SYT16: variants seen among roughly 807,000 people sequenced by gnomAD.
The protein encoded by SYT16 is synaptotagmin 16.
Under a neutral mutation model 61.4 loss-of-function variants are expected in SYT16, and 42 were observed. The ratio of observed to expected loss-of-function variants is 0.68; its 90% CI spans 0.53 to 0.89. The LOEUF is 0.89. Ranked by LOEUF, SYT16 falls within the 40% of genes least tolerant of loss-of-function variation. The pLI is 0.00. For missense variants in SYT16, 804 were observed against 807.3 expected (o/e 1.00, Z 0.05); for synonymous variants, 314 against 302.3 (o/e 1.04, Z -0.40).
At chr14:62,001,330 T>G (rs2053006583) in intron 3 of SYT16, among the ~76,000 whole-genome samples, 4 of 152,070 alleles carry the variant, frequency 2.6e-5, no homozygotes, top group Admixed American at 2.6e-4. Context: ...GCTTGAAAAA[T>G]TTTCTCAATT....
chr14:61,869,227 T>C (rs566216710), intron 1 of SYT16, among the ~76,000 whole-genome samples: 37 of 152,228 alleles, frequency 2.4e-4, no homozygotes, highest in African/African-American at 6.7e-4. Flanking sequence ...TATCCAATTT[T>C]ATAGTCTGTT....
chr14:61,869,476 T>C (rs973210445), intron 1 of SYT16, among the ~76,000 whole-genome samples: 3 of 152,182 alleles, frequency 2.0e-5, no homozygotes, highest in African/African-American at 7.2e-5. Flanking sequence ...TTTATCAACA[T>C]CTACTTTCAA....
intron 1 of SYT16, among the ~76,000 whole-genome samples, chr14:61,939,122 G>A (rs1438426858): frequency 2.0e-5 from 3 of 152,152 alleles, no homozygotes; most frequent in African/African-American, 7.2e-5. Flanking sequence ...GCAACAGAGT[G>A]AGACTTGGTC....
At chr14:61,906,523 T>C (rs2048716109) in intron 1 of SYT16, among the ~76,000 whole-genome samples, 1 of 152,220 alleles carries the variant, frequency 6.6e-6, no homozygotes, top group Non-Finnish European at 1.5e-5. Context: ...TTTTTTAGTA[T>C]AGTTTTCCTT....
intron 1 of SYT16, among the ~76,000 whole-genome samples, chr14:61,936,719 A>G (rs547020802): frequency 1.3e-5 from 2 of 152,074 alleles, no homozygotes; most frequent in African/African-American, 2.4e-5. Flanking sequence ...GTCTGCCTCT[A>G]TAGCCATGTT....
intron 3 of SYT16, 156 bp from the exon 4 acceptor site, chr14:62,069,447 T>C: frequency 1.5e-6 from 1 of 681,046 alleles, no homozygotes; most frequent in Non-Finnish European, 2.5e-6. Flanking sequence ...AAATTTGTGT[T>C]GCAAAAGTGC....
At chr14:61,855,221 C>T (rs1021042316) in intron 1 of SYT16, among the ~76,000 whole-genome samples, 3 of 152,104 alleles carry the variant, frequency 2.0e-5, no homozygotes, top group African/African-American at 4.8e-5. Flanking sequence ...AAGTTAATTT[C>T]CTAAGGAAGG....
chr14:61,818,761 T>C (rs1266909739), intron 1 of SYT16, among the ~76,000 whole-genome samples: 1 of 152,048 alleles, frequency 6.6e-6, no homozygotes, highest in Non-Finnish European at 1.5e-5. Flanking sequence ...ATTTGACATA[T>C]ATGGGCTGTG....
chr14:61,886,716 A>G (rs2140328478), intron 1 of SYT16, among the ~76,000 whole-genome samples: 1 of 152,342 alleles, frequency 6.6e-6, no homozygotes. Flanking sequence ...GTTGAAATCA[A>G]CTTCTTCCAA....
intron 1 of SYT16, among the ~76,000 whole-genome samples, chr14:61,824,979 GA>G (rs2045730242): frequency 6.6e-6 from 1 of 152,086 alleles, no homozygotes; most frequent in South Asian, 2.1e-4. Context: ...TTGAATATGG[GA>G]AATATCAGTA....
At chr14:62,039,074 C>G (rs981829194) in intron 3 of SYT16, among the ~76,000 whole-genome samples, 7 of 152,286 alleles carry the variant, frequency 4.6e-5, no homozygotes, top group African/African-American at 1.7e-4. Flanking sequence ...GAACTAGGAC[C>G]CTAACTTGGG....
chr14:61,905,743 A>G (rs1280111264), intron 1 of SYT16, among the ~76,000 whole-genome samples: 1 of 139,676 alleles, frequency 7.2e-6, no homozygotes, highest in Admixed American at 7.7e-5. Flanking sequence ...TTCTGCTGCA[A>G]TTGGACTTCT....
At chr14:62,093,432 A>T (rs2057163484) in intron 7 of SYT16, among the ~76,000 whole-genome samples, 1 of 152,038 alleles carries the variant, frequency 6.6e-6, no homozygotes, top group Non-Finnish European at 1.5e-5. Context: ...TAAAAGATAG[A>T]TATTAGATTA....
intron 1 of SYT16, among the ~76,000 whole-genome samples, chr14:61,833,970 A>ATTTTTTTTT (rs544826072): frequency 1.7e-5 from 2 of 117,292 alleles, no homozygotes; most frequent in African/African-American, 3.2e-5. Context: ...TCTGGCTTTG[A>ATTTTTTTTT]TTTTTTTTTT....
intron 1 of SYT16, among the ~76,000 whole-genome samples, chr14:61,893,177 A>C (rs1425414574): frequency 6.6e-6 from 1 of 152,248 alleles, no homozygotes; most frequent in Non-Finnish European, 1.5e-5. Flanking sequence ...TTATGTGCCC[A>C]GAAAGAAAGT....
Position 62,101,264 on chromosome 14 carries a change from A to G in SYT16, c.*557A>G, listed in dbSNP as rs1009667479. On this transcript the variant is annotated 3_prime_UTR_variant, in exon 8 of 8. Transcript: ENST00000683842. ...TAACGAGTAAATATTATAAACTTGC[A>G]CTTTTAAAATAAATTTGTATTAATT... The G allele has an allele frequency of 7.2e-5, 11 of 152,384 alleles. No homozygotes were observed. Among genetic ancestry groups the G allele is most frequent in the African/African-American group, 2.4e-4 (10 of 41,466 alleles). The allele number at this position is 152,384 out of a possible 1,614,324, so 9.4% of individuals were successfully genotyped here. A position where few individuals can be genotyped will look rare whatever the true frequency, so the allele number is the denominator to read the frequency against.
intron 1 of SYT16, among the ~76,000 whole-genome samples, chr14:61,929,111 G>A (rs2049656764): frequency 6.6e-6 from 1 of 152,212 alleles, no homozygotes; most frequent in Non-Finnish European, 1.5e-5. Flanking sequence ...AAGGAAGAGT[G>A]ATCCGGGGAT....
chr14:61,895,941 C>T (rs1175070887), intron 1 of SYT16, among the ~76,000 whole-genome samples: 1 of 152,166 alleles, frequency 6.6e-6, no homozygotes, highest in Non-Finnish European at 1.5e-5. Flanking sequence ...TATCTCCAGC[C>T]TGGCAGTGCG....
chr14:62,062,856 G>A (rs17099464), intron 3 of SYT16, among the ~76,000 whole-genome samples: 21,316 of 152,164 alleles, frequency 0.14, 2,899 homozygotes, highest in African/African-American at 0.36. Context: ...CTTCCCGTCT[G>A]TACGATGTGA....
Sources: gnomAD v4.1 joint callset for allele counts (sites outside exome capture counted in the v4.1 genomes callset) on GRCh38, gnomAD v4.1.1 for gene constraint, MANE v1.5 for transcripts, NCBI Gene and HGNC (gene_info 2026-07-23, HGNC 2026-07-21) for gene names.